Variants in PLOD1 observed in about 807,000 individuals in gnomAD.
The protein encoded by PLOD1 is lysine hydroxylase.
In PLOD1, 70 loss-of-function variants were observed where a neutral mutation model predicts 94.7. The ratio of observed to expected loss-of-function variants is 0.74; its 90% CI spans 0.61 to 0.90. The LOEUF (loss-of-function observed/expected upper bound fraction) is 0.90, where lower values mean the gene tolerates loss of function less well. Among genes scored for constraint, PLOD1 ranks in the 40% least tolerant of loss-of-function variants. The pLI is 0.00. For synonymous variants in PLOD1, 417 were observed against 400.2 expected (o/e 1.04, Z -0.50); for missense variants, 905 against 972.7 (o/e 0.93, Z 0.93).
At chr1:11,953,797 A>C (rs1290956793) in intron 5 of PLOD1, among the ~76,000 whole-genome samples, 1 of 151,952 alleles carries the variant, frequency 6.6e-6, no homozygotes, top group Admixed American at 6.5e-5. Flanking sequence ...CATCTCAAAA[A>C]AAAAAGCAAT....
At chr1:11,962,229 G>A (rs1358943307) in intron 10 of PLOD1, among the ~76,000 whole-genome samples, 1 of 148,012 alleles carries the variant, frequency 6.8e-6, no homozygotes, top group Non-Finnish European at 1.5e-5. Context: ...TGCACCTGGT[G>A]ATGACCTTCA....
At chr1:11,947,933 C>T (rs777456504) in intron 1 of PLOD1, 43 bp from the exon 2 acceptor site, 13 of 1,288,034 alleles carry the variant, frequency 1.0e-5, no homozygotes, top group African/African-American at 1.5e-5. Flanking sequence ...TGTCACCTCC[C>T]TCATCCTCCA....
At chr1:11,949,156 A>G (rs1645678317) in intron 2 of PLOD1, among the ~76,000 whole-genome samples, 1 of 152,124 alleles carries the variant, frequency 6.6e-6, no homozygotes, top group Admixed American at 6.5e-5. Context: ...ACTTCAGCAG[A>G]AGGAGACAGG....
rs1173949751 is a variant in PLOD1 at position 11,958,615 on chromosome 1, C to G, written c.943C>G (p.Gln315Glu). The change falls in exon 9 of 19, where the codon CAG becomes GAG. Residue 315 changes from glutamine to glutamate, a missense_variant. By Grantham distance (29) the Gln-to-Glu change is conservative. Coordinates refer to ENST00000196061, the MANE Select transcript of PLOD1 (RefSeq NM_000302.4). This position sits in a 1 kb window ranked among gnomAD's most constrained non-coding sequence, Gnocchi z 4.3. ...GCGGCTCCTGCGGCTCCACTACCCCCAGAAACACATGCGACTTTTCATCCA... is the reference window on the plus strand; with the variant it reads ...GCGGCTCCTGCGGCTCCACTACCCCGAGAAACACATGCGACTTTTCATCCA... ...FQRLLRLHYP[Q>E]KHMRLFIHNH... The G allele has an allele frequency of 2.5e-6, 4 of 1,614,054 alleles. No individual in the cohort carries two copies. The highest frequency in any genetic ancestry group is 3.4e-6 in the Non-Finnish European group (4 of 1,180,044).
At position 11,956,902 on chromosome 1, in the gene PLOD1, C is replaced by G. The variant is rs1645741765; in HGVS notation, c.644-15C>G. 1.3e-6 allele frequency: 2 copies of G among 1,591,922 alleles called. No individual in the cohort carries two copies. Among genetic ancestry groups the G allele is most frequent in the African/African-American group, 1.3e-5 (1 of 74,446 alleles). On this transcript the variant is annotated splice_polypyrimidine_tract_variant and intron_variant, in intron 6 of 18. Transcript: ENST00000196061. The stretch of plus-strand genomic sequence containing the variant: ...GGGTCTGATGCTGGGTGGGACTGTG[C>G]TTTCTGACCCCCAGATGAGGTCGTG...
intron 1 of PLOD1, among the ~76,000 whole-genome samples, chr1:11,936,636 C>T (rs780095872): frequency 2.6e-5 from 4 of 151,958 alleles, no homozygotes; most frequent in Non-Finnish European, 5.9e-5. Context: ...AATTCTCGTG[C>T]GTCAGCCTCC....
chr1:11,962,280 T>C (rs796963826), intron 10 of PLOD1, among the ~76,000 whole-genome samples: 24 of 126,704 alleles, frequency 1.9e-4, no homozygotes, highest in African/African-American at 4.4e-4. Flanking sequence ...TTTTCTTTTT[T>C]TTTTTTTTTT....
At chr1:11,940,987 G>T (rs1056732237) in intron 1 of PLOD1, among the ~76,000 whole-genome samples, 2 of 152,184 alleles carry the variant, frequency 1.3e-5, no homozygotes, top group Non-Finnish European at 2.9e-5. Context: ...GGGAAATGAA[G>T]ACAAGAGCAT....
chr1:11,964,145 A>T, intron 11 of PLOD1, 30 bp from the exon 12 acceptor site: 3 of 1,612,394 alleles, frequency 1.9e-6, no homozygotes, highest in Non-Finnish European at 2.5e-6. Context: ...GTGGGCAGCG[A>T]CCTCCTACTG....
At position 11,947,964 on chromosome 1, in the gene PLOD1, CT is replaced by C; in HGVS notation, c.77-11del. The C allele has an allele frequency of 6.3e-7, 1 of 1,579,660 alleles. No individual in the cohort carries two copies. The highest frequency in any genetic ancestry group is 8.7e-7 in the Non-Finnish European group (1 of 1,148,566). ...CTCCATTCCCATTCACCATACCCTCCTCTGTCTGCAGACAACCTTTTAGTCC... is the reference window on the plus strand; with the variant it reads ...CTCCATTCCCATTCACCATACCCTCCCTGTCTGCAGACAACCTTTTAGTCC... On this transcript the variant is annotated splice_polypyrimidine_tract_variant and intron_variant, in intron 1 of 18. Transcript: ENST00000196061.
intron 4 of PLOD1, among the ~76,000 whole-genome samples, chr1:11,951,785 G>A (rs1319025498): frequency 6.6e-6 from 1 of 151,592 alleles, no homozygotes; most frequent in East Asian, 1.9e-4. Flanking sequence ...CAGGTGTGGT[G>A]GCAGGCGCCT....
At chr1:11,952,553 G>A in intron 4 of PLOD1, 70 bp from the exon 5 acceptor site, 1 of 1,066,274 alleles carries the variant, frequency 9.4e-7, no homozygotes, top group Non-Finnish European at 1.5e-6. Flanking sequence ...GGGAAGGGTG[G>A]GAGGAGGCCC....
intron 2 of PLOD1, 118 bp from the exon 3 acceptor site, chr1:11,949,655 G>A (rs1645683467): frequency 1.0e-6 from 1 of 975,478 alleles, no homozygotes; most frequent in Non-Finnish European, 1.6e-6. Flanking sequence ...CCTGACCTCA[G>A]GTGGTCCACA....
intron 9 of PLOD1, among the ~76,000 whole-genome samples, chr1:11,960,200 GACCTGGTGATCT>G (rs776492140): frequency 6.6e-6 from 1 of 152,164 alleles, no homozygotes; most frequent in Non-Finnish European, 1.5e-5. Context: ...TTGAACTCCT[GACCTGGTGATCT>G]ACCCGCCTCG....
intron 16 of PLOD1, among the ~76,000 whole-genome samples, chr1:11,969,177 A>C (rs559977810): frequency 6.6e-6 from 1 of 150,416 alleles, no homozygotes; most frequent in Non-Finnish European, 1.5e-5. Context: ...TAGTAGAGAC[A>C]GGGGTTTCAC....
chr1:11,967,597 G>GTGTGTATATATATA (rs1391982281), intron 16 of PLOD1, among the ~76,000 whole-genome samples: 1 of 59,780 alleles, frequency 1.7e-5, no homozygotes, highest in Admixed American at 1.6e-4. Flanking sequence ...GTGTGTGTGT[G>GTGTGTATATATATA]TATATATATA....
intron 1 of PLOD1, among the ~76,000 whole-genome samples, chr1:11,943,389 C>T (rs911566467): frequency 2.0e-5 from 3 of 151,972 alleles, no homozygotes; most frequent in African/African-American, 7.3e-5. Flanking sequence ...CGCCACCTCC[C>T]GGGTTCAAGC....
Position 11,965,578 on chromosome 1 carries a change from G to A in PLOD1, c.1569G>A (p.Val523=), listed in dbSNP as rs752889171. ...TTHLHNDLWE[V]FSNPEDWKEK... is the part of the protein sequence containing the mutation. The stretch of plus-strand genomic sequence containing the variant: ...ACCTGCACAACGACCTCTGGGAGGT[G>A]TTCAGCAACCCCGAGGTGAGGCCAG... Residue 523 remains valine (V), a synonymous_variant, in exon 14 of 19, where the codon GTG becomes GTA. Coordinates refer to ENST00000196061, the MANE Select transcript of PLOD1 (RefSeq NM_000302.4). 6.2e-7 allele frequency: 1 copy of A among 1,610,902 alleles called. No homozygotes were observed. Among genetic ancestry groups the A allele is most frequent in the South Asian group, 1.1e-5 (1 of 91,022 alleles).
At position 11,967,151 on chromosome 1, in the gene PLOD1, C is replaced by G; in HGVS notation, c.1755+60C>G. The G allele has an allele frequency of 3.6e-6, 4 of 1,102,280 alleles. No homozygotes were observed. The South Asian group carries it at 5.0e-5, about 14-fold the overall frequency. The allele number at this position is 1,102,280 out of a possible 1,614,324, so 68.3% of individuals were successfully genotyped here. A position where few individuals can be genotyped will look rare whatever the true frequency, so the allele number is the denominator to read the frequency against. On this transcript the variant is annotated intron_variant, in intron 16 of 18. Coordinates refer to ENST00000196061, the MANE Select transcript of PLOD1 (RefSeq NM_000302.4). ...AGGCTGCCTCTCCATCAGTGCCGCTCACTGTCTGGGGTCTTCTGGCAAGCT... is the reference window on the plus strand; with the variant it reads ...AGGCTGCCTCTCCATCAGTGCCGCTGACTGTCTGGGGTCTTCTGGCAAGCT...
Sources: gnomAD v4.1 joint callset for allele counts (sites outside exome capture counted in the v4.1 genomes callset) on GRCh38, gnomAD v4.1.1 for gene constraint, Gnocchi (gnomAD v3.1) non-coding constraint, MANE v1.5 for transcripts, NCBI Gene and HGNC (gene_info 2026-07-23, HGNC 2026-07-21) for gene names.